The following PITPNA variants were observed in gnomAD, a reference collection of about 807,000 sequenced individuals.
The protein encoded by PITPNA is phosphatidylinositol transfer protein alpha isoform.
Under a neutral mutation model 50.3 loss-of-function variants are expected in PITPNA, and 13 were observed. The ratio of observed to expected loss-of-function variants is 0.26; its 90% confidence interval spans 0.17 to 0.41. PITPNA has a LOEUF of 0.41. PITPNA is among the 10% of genes least tolerant of loss of function. The probability of loss-of-function intolerance (pLI) is 1.00; values close to 1 mark genes in which losing one functional copy is unlikely to be tolerated. For synonymous variants in PITPNA, 120 were observed against 119.6 expected (o/e 1.00, Z -0.02); for missense variants, 207 against 333.4 (o/e 0.62, Z 2.95).
intron 10 of PITPNA, among the ~76,000 whole-genome samples, chr17:1,525,593 A>AC (rs1555530556): frequency 7.1e-6 from 1 of 139,940 alleles, no homozygotes; most frequent in Non-Finnish European, 1.5e-5. Flanking sequence ...ATCTTGGCTC[A>AC]CTGCACCCTC....
At position 1,562,381 on chromosome 17, in the gene PITPNA, G is replaced by A. The variant is rs1567590442; in HGVS notation, c.20+160C>T. ...GTGGGCCCCGCCTCACGTGCCGCCC[G>A]CCCCGGATCCCCTCCATCCCCGCTG... On this transcript the variant is annotated intron_variant, in intron 1 of 11. Coordinates refer to ENST00000313486, the MANE Select transcript of PITPNA (RefSeq NM_006224.4). The surrounding 1 kb of genome is among the most constrained non-coding windows in gnomAD (Gnocchi z 6.4). Among the ~76,000 whole-genome samples, 2 of 104,482 alleles carry A rather than the reference G, an allele frequency of 1.9e-5. No homozygotes were observed. Among genetic ancestry groups the A allele is most frequent in the African/African-American group, 7.4e-5 (2 of 27,030 alleles). 68.5% of individuals were successfully genotyped at this position (104,482 alleles called of 152,430 possible). A position where few individuals can be genotyped will look rare whatever the true frequency, so the allele number is the denominator to read the frequency against.
chr17:1,529,931 A>G (rs1457854674), intron 10 of PITPNA, among the ~76,000 whole-genome samples: 2 of 152,184 alleles, frequency 1.3e-5, no homozygotes, highest in Admixed American at 6.5e-5. Context: ...CTCATTATCT[A>G]AAGAGTTAAT....
intron 3 of PITPNA, among the ~76,000 whole-genome samples, chr17:1,551,799 G>A (rs532446485): frequency 2.0e-5 from 3 of 152,358 alleles, no homozygotes; most frequent in African/African-American, 7.2e-5. Flanking sequence ...CTGAGTGATG[G>A]TGAGGTTCCT....
At chr17:1,559,855 A>G (rs900150308) in intron 1 of PITPNA, 2 of 762,882 alleles carry the variant, frequency 2.6e-6, no homozygotes, top group African/African-American at 3.8e-5. Flanking sequence ...GAGCAACTCA[A>G]ACAACATAAA....
In PITPNA at chr17:1,538,920, G is replaced by A. The variant is rs538288078; in HGVS notation, c.405C>T (p.His135=). 5.0e-6 allele frequency: 8 copies of A among 1,613,692 alleles called. No homozygotes were observed. The highest frequency in any genetic ancestry group is 2.2e-5 in the South Asian group (2 of 91,068). Residue 135 remains histidine (H), a synonymous_variant, in exon 7 of 12, where the codon CAC becomes CAT. Coordinates refer to ENST00000313486, the MANE Select transcript of PITPNA (RefSeq NM_006224.4). ...CAATGTCTATATATACGGCTTCCAC[G>A]TGTTTCCACGCCTCAGGCTCCAGCT... ...VHKLEPEAWK[H]VEAVYIDIAD...
rs902009628 is a variant in PITPNA, at chr17:1,520,294, C to T, written c.*267G>A. ...TGGATCGGAACACAATGGAGAGAGA[C>T]GGAGGCGCTGTAACTACAGCAACCT... On this transcript the variant is annotated 3_prime_UTR_variant, in exon 12 of 12. Transcript: ENST00000313486. The T allele has an allele frequency of 6.6e-6, 1 of 152,182 alleles. No homozygotes were observed. The highest frequency in any genetic ancestry group is 2.4e-5 in the African/African-American group (1 of 41,266). The allele number at this position is 152,182 out of a possible 1,614,324, so 9.4% of individuals were successfully genotyped here. A position where few individuals can be genotyped will look rare whatever the true frequency, so the allele number is the denominator to read the frequency against.
chr17:1,524,196 CA>C (rs1218876288), intron 10 of PITPNA, among the ~76,000 whole-genome samples: 2 of 151,762 alleles, frequency 1.3e-5, no homozygotes, highest in South Asian at 2.1e-4. Context: ...AGGTGCCCAC[CA>C]ACACGCCCGG....
In PITPNA at chr17:1,562,376, C is replaced by T. The variant is rs2075772976; in HGVS notation, c.20+165G>A. Among the ~76,000 whole-genome samples the T allele has an allele frequency of 6.6e-6, 1 of 151,116 alleles. No homozygotes were observed. Among genetic ancestry groups the T allele is most frequent in the South Asian group, 2.1e-4 (1 of 4,792 alleles). On this transcript the variant is annotated intron_variant, in intron 1 of 11. Transcript: ENST00000313486. This position sits in a 1 kb window ranked among gnomAD's most constrained non-coding sequence, Gnocchi z 6.4. ...GCCCCGTGGGCCCCGCCTCACGTGC[C>T]GCCCGCCCCGGATCCCCTCCATCCC...
chr17:1,542,248 A>C (rs1212538625), intron 5 of PITPNA, among the ~76,000 whole-genome samples: 2 of 152,056 alleles, frequency 1.3e-5, no homozygotes, highest in African/African-American at 4.8e-5. Context: ...TGGGTCTCAA[A>C]ACAGTTTCGT....
At chr17:1,554,397 T>TA (rs2075725135) in intron 2 of PITPNA, among the ~76,000 whole-genome samples, 1 of 138,190 alleles carries the variant, frequency 7.2e-6, no homozygotes, top group African/African-American at 2.7e-5. Flanking sequence ...TCTATTTTTT[T>TA]TTTTTTTTTT....
intron 10 of PITPNA, among the ~76,000 whole-genome samples, chr17:1,533,703 T>C (rs1275592916): frequency 6.6e-6 from 1 of 152,206 alleles, no homozygotes; most frequent in Admixed American, 6.5e-5. Flanking sequence ...CTGCGTGCGC[T>C]GTGGCTGTCC....
rs112500197 is a variant in PITPNA, at chr17:1,549,841, A to AT, written c.198-1455dup. Among the ~76,000 whole-genome samples the AT allele has an allele frequency of 9.8e-5, 11 of 111,742 alleles. 2 individuals are homozygous for AT. Among genetic ancestry groups the AT allele is most frequent in the East Asian group, 1.2e-3 (2 of 1,712 alleles). 73.3% of individuals were successfully genotyped at this position (111,742 alleles called of 152,430 possible). On this transcript the variant is annotated intron_variant, in intron 3 of 11. Coordinates refer to ENST00000313486, the MANE Select transcript of PITPNA (RefSeq NM_006224.4). ...AGGCATGCGCCACCACGCCCAGCTA[A>AT]TTTTTGTATTTTTGGTAGAGATGGG...
At chr17:1,543,778 C>G (rs80192490) in intron 4 of PITPNA, among the ~76,000 whole-genome samples, 2 of 152,138 alleles carry the variant, frequency 1.3e-5, no homozygotes, top group Non-Finnish European at 2.9e-5. Context: ...CTATCACGCA[C>G]AGAAATAACC....
intron 7 of PITPNA, among the ~76,000 whole-genome samples, chr17:1,536,894 ATTT>A (rs35841957): frequency 5.1e-5 from 5 of 98,310 alleles, no homozygotes; most frequent in African/African-American, 1.6e-4. Flanking sequence ...TGTCCGGCCG[ATTT>A]TTTTTTTTTT....
At chr17:1,545,850 C>A (rs1364069065) in intron 4 of PITPNA, among the ~76,000 whole-genome samples, 1 of 151,204 alleles carries the variant, frequency 6.6e-6, no homozygotes, top group East Asian at 1.9e-4. Context: ...CACTGCGACT[C>A]TCTTAGACAT....
chr17:1,526,579 C>T (rs1261173132), intron 10 of PITPNA, among the ~76,000 whole-genome samples: 4 of 152,164 alleles, frequency 2.6e-5, no homozygotes, highest in Admixed American at 2.6e-4. Context: ...AGCAAAGCTC[C>T]TTCTCAGCCG....
chr17:1,525,093 G>A (rs1271692177), intron 10 of PITPNA, among the ~76,000 whole-genome samples: 1 of 151,794 alleles, frequency 6.6e-6, no homozygotes, highest in African/African-American at 2.4e-5. Context: ...GGGTTCAAGC[G>A]ATTCTTCTGC....
intron 10 of PITPNA, among the ~76,000 whole-genome samples, chr17:1,525,504 C>CTTTTTTTTTT (rs11329480): frequency 2.9e-5 from 3 of 101,718 alleles, no homozygotes; most frequent in African/African-American, 1.2e-4. Flanking sequence ...CACTGGGAAA[C>CTTTTTTTTTT]TTTTTTTTTT....
At chr17:1,555,622 A>G (rs1225470638) in intron 2 of PITPNA, among the ~76,000 whole-genome samples, 3 of 152,202 alleles carry the variant, frequency 2.0e-5, no homozygotes, top group African/African-American at 7.2e-5. Context: ...CAGACTCCAC[A>G]ACTTTGGCAA....
Sources: allele counts gnomAD v4.1 joint callset (sites outside exome capture counted in the v4.1 genomes callset), GRCh38; gene constraint gnomAD v4.1.1; non-coding constraint Gnocchi (gnomAD v3.1); transcripts MANE v1.5; gene names NCBI Gene and HGNC (gene_info 2026-07-23, HGNC 2026-07-21).